The following MAGI1 variants were observed in gnomAD, a reference collection of about 807,000 sequenced individuals.
MAGI1 encodes the protein membrane associated guanylate kinase, WW and PDZ domain containing 1, also known as membrane-associated guanylate kinase, WW and PDZ domain-containing protein 1.
MAGI1 carries 58 observed loss-of-function variants against 139.9 expected under a neutral mutation model. That is an observed-to-expected ratio of 0.41 (90% CI 0.34 to 0.52). MAGI1 has a LOEUF of 0.52. MAGI1 is among the 20% of genes least tolerant of loss of function. The probability of loss-of-function intolerance (pLI) is 0.12; values close to 1 mark genes in which losing one functional copy is unlikely to be tolerated. For missense variants in MAGI1, 1,874 were observed against 1,901.6 expected, an observed-to-expected ratio of 0.99 and a Z score of 0.27; for synonymous variants, 812 against 737.9, an observed-to-expected ratio of 1.10 and a Z score of -1.63.
intron 1 of MAGI1, among the ~76,000 whole-genome samples, chr3:65,651,749 T>C (rs948780841): frequency 6.6e-5 from 10 of 152,098 alleles, no homozygotes; most frequent in Non-Finnish European, 1.5e-4. Flanking sequence ...GAATCCTTTT[T>C]TGCATATTTG....
chr3:65,453,407 A>G, intron 5 of MAGI1, 67 bp from the exon 6 acceptor site: 1 of 1,110,464 alleles, frequency 9.0e-7, no homozygotes, highest in East Asian at 2.4e-5. Context: ...AAGCCCAATG[A>G]CGGAATTACA....
intron 1 of MAGI1, among the ~76,000 whole-genome samples, chr3:65,881,561 A>G (rs924972541): frequency 3.9e-5 from 6 of 152,008 alleles, no homozygotes; most frequent in African/African-American, 1.4e-4. Flanking sequence ...CAGGCGTTGG[A>G]GGCTGTAGTG....
At chr3:65,702,136 C>A (rs183289575) in intron 1 of MAGI1, among the ~76,000 whole-genome samples, 1 of 152,060 alleles carries the variant, frequency 6.6e-6, no homozygotes, top group Non-Finnish European at 1.5e-5. Flanking sequence ...CCTGTGTTTA[C>A]GAGCGAGCCC....
chr3:66,007,121 G>A (rs1262037792), intron 1 of MAGI1, among the ~76,000 whole-genome samples: 3 of 152,036 alleles, frequency 2.0e-5, no homozygotes, highest in Non-Finnish European at 4.4e-5. Context: ...GATTACAGGT[G>A]TGAGCCACCA....
chr3:65,837,155 A>G (rs144786517), intron 1 of MAGI1, among the ~76,000 whole-genome samples: 1 of 152,306 alleles, frequency 6.6e-6, no homozygotes, highest in East Asian at 1.9e-4. Context: ...TTGCTTCTCC[A>G]CGAAGTATTA....
At chr3:65,948,293 G>A (rs888527597) in intron 1 of MAGI1, among the ~76,000 whole-genome samples, 1 of 152,064 alleles carries the variant, frequency 6.6e-6, no homozygotes, top group Non-Finnish European at 1.5e-5. Context: ...TGGACACTCT[G>A]CCCTGGAATA....
At chr3:65,476,319 C>T (rs1950885230) in intron 4 of MAGI1, among the ~76,000 whole-genome samples, 1 of 152,112 alleles carries the variant, frequency 6.6e-6, no homozygotes, top group Non-Finnish European at 1.5e-5. Flanking sequence ...ACCCTATTGG[C>T]CTTCTTGGTA....
intron 1 of MAGI1, among the ~76,000 whole-genome samples, chr3:66,011,946 G>GA (rs2067342941): frequency 1.3e-5 from 2 of 151,658 alleles, no homozygotes; most frequent in South Asian, 2.1e-4. Context: ...CAATTCTAGC[G>GA]AAAAAAATGA....
intron 17 of MAGI1, 117 bp downstream of exon 17, chr3:65,379,144 A>G (rs1942825396): frequency 1.0e-5 from 16 of 1,560,212 alleles, no homozygotes; most frequent in Non-Finnish European, 1.4e-5. Flanking sequence ...AATTACCCAG[A>G]GCAAGAAGCT....
intron 12 of MAGI1, 118 bp from the exon 13 acceptor site, chr3:65,401,588 A>T: frequency 6.4e-7 from 1 of 1,552,932 alleles, no homozygotes; most frequent in South Asian, 1.2e-5. Context: ...CTGCAGAGTT[A>T]TGTCAGATTT....
chr3:65,707,598 G>C (rs1218880224), intron 1 of MAGI1, among the ~76,000 whole-genome samples: 3 of 149,618 alleles, frequency 2.0e-5, no homozygotes, highest in Non-Finnish European at 4.5e-5. Flanking sequence ...GCTGAGGTGG[G>C]AGGACTGCTT....
chr3:65,671,814 A>T (rs2086875469), intron 1 of MAGI1, among the ~76,000 whole-genome samples: 1 of 152,138 alleles, frequency 6.6e-6, no homozygotes, highest in African/African-American at 2.4e-5. Flanking sequence ...TCCCTCCTTG[A>T]CAGGCTTCTA....
chr3:65,800,054 C>T (rs2040416687), intron 1 of MAGI1, among the ~76,000 whole-genome samples: 3 of 152,222 alleles, frequency 2.0e-5, no homozygotes, highest in African/African-American at 7.2e-5. Flanking sequence ...ACTTACTTTG[C>T]TGAATGGCGT....
At chr3:65,926,334 TCTCTC>T (rs2062508587) in intron 1 of MAGI1, among the ~76,000 whole-genome samples, 1 of 144,504 alleles carries the variant, frequency 6.9e-6, no homozygotes, top group Non-Finnish European at 1.5e-5. Context: ...CTTTTCTCTC[TCTCTC>T]TCTCTCTCTC....
chr3:65,428,979 C>A (rs969684849), intron 12 of MAGI1, among the ~76,000 whole-genome samples: 1 of 152,054 alleles, frequency 6.6e-6, no homozygotes. Flanking sequence ...ATTAAAGGAG[C>A]TCCATAAAAG....
chr3:65,715,203 T>A (rs940683065), intron 1 of MAGI1, among the ~76,000 whole-genome samples: 1 of 152,218 alleles, frequency 6.6e-6, no homozygotes, highest in Non-Finnish European at 1.5e-5. Flanking sequence ...CAAGGGTATA[T>A]CACTCTCATC....
intron 2 of MAGI1, among the ~76,000 whole-genome samples, chr3:65,600,870 T>G (rs1197439549): frequency 6.6e-6 from 1 of 152,252 alleles, no homozygotes; most frequent in Admixed American, 6.5e-5. Context: ...ATACTGGTTA[T>G]GAGAGTGGGA....
intron 2 of MAGI1, among the ~76,000 whole-genome samples, chr3:65,580,940 G>A (rs1326606145): frequency 2.3e-4 from 35 of 152,050 alleles, no homozygotes. Flanking sequence ...CTTCAAATGG[G>A]CTCCACCTGC....
At chr3:65,583,975 G>A (rs966316490) in intron 2 of MAGI1, among the ~76,000 whole-genome samples, 1 of 151,222 alleles carries the variant, frequency 6.6e-6, no homozygotes, top group Non-Finnish European at 1.5e-5. Flanking sequence ...CACAGTGACA[G>A]TGGTGTGAAG....
Sources: allele counts gnomAD v4.1 joint callset (sites outside exome capture counted in the v4.1 genomes callset), GRCh38; gene constraint gnomAD v4.1.1; transcripts MANE v1.5; gene names NCBI Gene and HGNC (gene_info 2026-07-23, HGNC 2026-07-21).